DOCK4: variants seen among roughly 807,000 people sequenced by gnomAD.
DOCK4 encodes the protein dedicator of cytokinesis protein 4.
In DOCK4, 97 loss-of-function variants were observed where a neutral mutation model predicts 268.1. That is an observed-to-expected ratio of 0.36 (90% CI 0.31 to 0.43). DOCK4 has a LOEUF of 0.43. DOCK4 is among the 20% of genes least tolerant of loss of function. DOCK4 has a pLI of 1.00. For missense variants in DOCK4, 2,145 were observed against 2,455.7 expected (o/e 0.87, Z 2.67); for synonymous variants, 954 against 887.2 (o/e 1.08, Z -1.34).
At chr7:111,760,542 T>C (rs936473933) in intron 39 of DOCK4, among the ~76,000 whole-genome samples, 2 of 152,146 alleles carry the variant, frequency 1.3e-5, no homozygotes, top group Non-Finnish European at 2.9e-5. Context: ...CCCAATAGAA[T>C]GCCTCACTCT....
At chr7:111,899,336 T>G (rs1790934987) in intron 15 of DOCK4, among the ~76,000 whole-genome samples, 1 of 152,182 alleles carries the variant, frequency 6.6e-6, no homozygotes, top group African/African-American at 2.4e-5. Context: ...TGCTGCTTCT[T>G]CAAAAATGTG....
chr7:111,776,043 A>G (rs1223470503), intron 36 of DOCK4, among the ~76,000 whole-genome samples: 1 of 152,224 alleles, frequency 6.6e-6, no homozygotes, highest in Non-Finnish European at 1.5e-5. Flanking sequence ...TCAATATAAC[A>G]AGGACTTCTG....
At chr7:111,992,865 T>A (rs893686342) in intron 5 of DOCK4, among the ~76,000 whole-genome samples, 1 of 152,232 alleles carries the variant, frequency 6.6e-6, no homozygotes, top group Non-Finnish European at 1.5e-5. Context: ...TGCCCAATGT[T>A]ACTTTAAGTG....
chr7:111,961,677 ATAT>A (rs1796907617), intron 8 of DOCK4, among the ~76,000 whole-genome samples: 1 of 152,234 alleles, frequency 6.6e-6, no homozygotes, highest in Non-Finnish European at 1.5e-5. Context: ...TTCAAGGGGA[ATAT>A]TATTATAACG....
At chr7:111,920,978 A>G (rs980319662) in intron 12 of DOCK4, among the ~76,000 whole-genome samples, 6 of 152,076 alleles carry the variant, frequency 3.9e-5, no homozygotes, top group African/African-American at 1.4e-4. Context: ...TTAAAATTTC[A>G]TAAAATTTAA....
Position 111,863,487 on chromosome 7 carries a change from C to G in DOCK4, c.2358G>C (p.Leu786Phe), listed in dbSNP as rs1432284199. The G allele has an allele frequency of 6.2e-7, 1 of 1,613,922 alleles. No individual in the cohort carries two copies. Among genetic ancestry groups the G allele is most frequent in the South Asian group, 1.1e-5 (1 of 91,058 alleles). Residue 786 changes from leucine to phenylalanine, a missense_variant, in exon 23 of 53, where the codon TTG becomes TTC. Around this residue, in one of 2 missense-constraint regions of DOCK4, gnomAD observed 1,598 missense variants for 1,986.7 expected, o/e 0.80. Coordinates refer to ENST00000428084, the MANE Select transcript of DOCK4 (RefSeq NM_001363540.2). The stretch of plus-strand genomic sequence containing the variant: ...GCAGACTGCCCAGGGTGTCCTGGAC[C>G]AAGTTGGCTACTTCCCGGACATCAA... Reference protein sequence around the residue: ...KLFDVREVANLVQDTLGSLPT... With the variant: ...KLFDVREVANFVQDTLGSLPT...
intron 8 of DOCK4, among the ~76,000 whole-genome samples, chr7:111,961,430 A>G (rs536751644): frequency 3.9e-5 from 6 of 152,212 alleles, no homozygotes; most frequent in Non-Finnish European, 7.3e-5. Flanking sequence ...CCATGCTTTC[A>G]TAGTGAGTGA....
intron 26 of DOCK4, among the ~76,000 whole-genome samples, chr7:111,827,669 G>T (rs1044747712): frequency 3.3e-5 from 5 of 152,154 alleles, no homozygotes; most frequent in African/African-American, 7.2e-5. Context: ...GAAAAAAAAT[G>T]ATTCAGAGGA....
chr7:112,039,373 TGG>T (rs35222499), intron 1 of DOCK4, among the ~76,000 whole-genome samples: 2 of 122,312 alleles, frequency 1.6e-5, no homozygotes, highest in Non-Finnish European at 1.7e-5. Context: ...GGATTTCATA[TGG>T]GGGGGGGGGC....
intron 8 of DOCK4, among the ~76,000 whole-genome samples, chr7:111,955,693 TA>T: frequency 6.6e-6 from 1 of 152,228 alleles, no homozygotes; most frequent in Non-Finnish European, 1.5e-5. Context: ...TAAAATTCAA[TA>T]AAAAAGGAAT....
At chr7:111,869,241 G>A (rs1460617883) in intron 21 of DOCK4, among the ~76,000 whole-genome samples, 1 of 152,108 alleles carries the variant, frequency 6.6e-6, no homozygotes, top group Non-Finnish European at 1.5e-5. Context: ...GTTGGTGGAA[G>A]CAAGAGCCAG....
At chr7:112,134,507 C>G (rs564190814) in intron 1 of DOCK4, among the ~76,000 whole-genome samples, 2 of 152,280 alleles carry the variant, frequency 1.3e-5, no homozygotes, top group Admixed American at 6.5e-5. Context: ...AACACAAGGT[C>G]AGGAGATCGA....
intron 12 of DOCK4, among the ~76,000 whole-genome samples, chr7:111,918,328 C>T (rs1792792881): frequency 6.6e-6 from 1 of 152,132 alleles, no homozygotes; most frequent in South Asian, 2.1e-4. Flanking sequence ...CCTAGTTTAA[C>T]CTAACTACCC....
chr7:112,044,861 A>G (rs985905302), intron 1 of DOCK4, among the ~76,000 whole-genome samples: 4 of 152,078 alleles, frequency 2.6e-5, no homozygotes, highest in African/African-American at 7.2e-5. Flanking sequence ...CCAAGCTCTC[A>G]CCATCTCTCA....
At chr7:112,201,045 G>C (rs1175187629) in intron 1 of DOCK4, among the ~76,000 whole-genome samples, 1 of 152,080 alleles carries the variant, frequency 6.6e-6, no homozygotes, top group African/African-American at 2.4e-5. Flanking sequence ...ATGCTATGTA[G>C]ATACATCATA....
At chr7:111,868,676 C>T (rs558775269) in intron 21 of DOCK4, among the ~76,000 whole-genome samples, 1 of 151,462 alleles carries the variant, frequency 6.6e-6, no homozygotes, top group East Asian at 1.9e-4. Flanking sequence ...CACCATTGCC[C>T]TCCAGCCTGG....
intron 1 of DOCK4, among the ~76,000 whole-genome samples, chr7:112,089,717 C>T (rs1809448834): frequency 6.6e-6 from 1 of 151,950 alleles, no homozygotes; most frequent in Non-Finnish European, 1.5e-5. Context: ...TGTTTAAAGG[C>T]ATGTAGCACC....
chr7:111,831,231 C>G (rs781610909), intron 26 of DOCK4, among the ~76,000 whole-genome samples: 1 of 152,120 alleles, frequency 6.6e-6, no homozygotes, highest in Non-Finnish European at 1.5e-5. Flanking sequence ...GTGAATGGCA[C>G]CACACCAACA....
chr7:111,951,625 A>T (rs1796053152), intron 8 of DOCK4, among the ~76,000 whole-genome samples: 1 of 150,474 alleles, frequency 6.6e-6, no homozygotes, highest in Admixed American at 6.6e-5. Context: ...TTGGGTCAAC[A>T]TATTGGAAAC....
Sources: allele counts gnomAD v4.1 joint callset (sites outside exome capture counted in the v4.1 genomes callset), GRCh38; gene constraint gnomAD v4.1.1; regional missense constraint gnomAD v4.1.1; transcripts MANE v1.5; gene names NCBI Gene and HGNC (gene_info 2026-07-23, HGNC 2026-07-21).